The following EYS variants were observed in gnomAD, a reference collection of about 807,000 sequenced individuals.
EYS encodes protein eyes shut homolog.
In EYS, 250 loss-of-function variants were observed where a neutral mutation model predicts 282.1. The ratio of observed to expected loss-of-function variants is 0.89; its 90% CI spans 0.80 to 0.98. The LOEUF is 0.98. Ranked by LOEUF, EYS falls within the 50% of genes least tolerant of loss-of-function variation. The pLI is 0.00. For synonymous variants in EYS, 1,355 were observed against 1,282.9 expected (o/e 1.06, Z -1.20); for missense variants, 4,016 against 3,709.0 (o/e 1.08, Z -2.15).
chr6:63,894,079 G>C (rs1161615382), intron 35 of EYS, among the ~76,000 whole-genome samples: 4 of 152,168 alleles, frequency 2.6e-5, no homozygotes, highest in Non-Finnish European at 4.4e-5. Flanking sequence ...CTAAACTGTG[G>C]AAGGGGTGTA....
chr6:64,280,554 C>G (rs186788099), intron 30 of EYS, among the ~76,000 whole-genome samples: 1 of 152,042 alleles, frequency 6.6e-6, no homozygotes, highest in African/African-American at 2.4e-5. Context: ...TAAATTTATA[C>G]AGATGGTTCT....
At chr6:65,309,579 A>T (rs1769100915) in intron 11 of EYS, among the ~76,000 whole-genome samples, 1 of 152,210 alleles carries the variant, frequency 6.6e-6, no homozygotes, top group Non-Finnish European at 1.5e-5. Context: ...ATAAGTAAAC[A>T]CACTAGTAGA....
At chr6:65,240,660 C>T (rs1767035292) in intron 12 of EYS, among the ~76,000 whole-genome samples, 2 of 152,088 alleles carry the variant, frequency 1.3e-5, no homozygotes, top group African/African-American at 2.4e-5. Context: ...TATATATCAC[C>T]ACATTTTTTT....
Position 64,439,368 on chromosome 6 carries a change from G to C in EYS, c.5645-16C>G. On this transcript the variant is annotated splice_polypyrimidine_tract_variant and intron_variant, in intron 26 of 42. Coordinates refer to ENST00000503581, the MANE Select transcript of EYS (RefSeq NM_001142800.2). Reference sequence around the variant, plus strand: ...CAACTGAAATCTGTGGAGTCAGAAAGAAAATACAATTTAGGTTGAAATAAA... The same window carrying C: ...CAACTGAAATCTGTGGAGTCAGAAACAAAATACAATTTAGGTTGAAATAAA... 6.9e-7 allele frequency: 1 copy of C among 1,455,168 alleles called. No homozygotes were observed. Among genetic ancestry groups the C allele is most frequent in the South Asian group, 1.4e-5 (1 of 69,864 alleles). 90.1% of individuals were successfully genotyped at this position (1,455,168 alleles called of 1,614,324 possible).
chr6:64,151,412 G>A (rs556194554), intron 31 of EYS, among the ~76,000 whole-genome samples: 3 of 143,886 alleles, frequency 2.1e-5, no homozygotes, highest in Non-Finnish European at 4.5e-5. Context: ...CCAGGCTGGA[G>A]TGCAATGGTG....
At chr6:65,631,760 G>A (rs1766922686) in intron 2 of EYS, among the ~76,000 whole-genome samples, 1 of 152,152 alleles carries the variant, frequency 6.6e-6, no homozygotes, top group South Asian at 2.1e-4. Context: ...GATAATTCGA[G>A]TAGAGTATAA....
At chr6:64,185,361 T>C (rs1764902901) in intron 31 of EYS, among the ~76,000 whole-genome samples, 1 of 133,292 alleles carries the variant, frequency 7.5e-6, no homozygotes, top group Non-Finnish European at 1.6e-5. Context: ...AGAAAAATAC[T>C]GTATTCACTT....
intron 12 of EYS, among the ~76,000 whole-genome samples, chr6:65,254,704 G>A (rs955308044): frequency 1.2e-4 from 18 of 151,752 alleles, no homozygotes; most frequent in Non-Finnish European, 2.2e-4. Flanking sequence ...AAGTTATGTA[G>A]GGCTGTTAAT....
At chr6:65,672,870 T>C (rs9354273) in intron 1 of EYS, among the ~76,000 whole-genome samples, 66,343 of 151,664 alleles carry the variant, frequency 0.44, 15,692 homozygotes, top group East Asian at 0.65. Flanking sequence ...AGAGAGTCAG[T>C]GAAGGGAGAT....
At position 65,341,653 on chromosome 6, in the gene EYS, A is replaced by G. The variant is rs147360124; in HGVS notation, c.1599+2385T>C. Reference sequence around the variant, plus strand: ...AATTATATGGCTCTGTGGAATTGTCAAGTATGTGAGTTGTTTAAACTGTCT... The same window carrying G: ...AATTATATGGCTCTGTGGAATTGTCGAGTATGTGAGTTGTTTAAACTGTCT... On this transcript the variant is annotated intron_variant, in intron 10 of 42. Coordinates refer to ENST00000503581, the MANE Select transcript of EYS (RefSeq NM_001142800.2). 1.3e-3 allele frequency among the ~76,000 whole-genome samples: 191 copies of G among 151,310 alleles called. 1 individual carries two copies. Among genetic ancestry groups the G allele is most frequent in the Middle Eastern group, 3.4e-3 (1 of 294 alleles).
rs749428486 is a variant in EYS, at chr6:64,821,790, T to C, written c.3165-67A>G. The C allele has an allele frequency of 8.1e-5, 77 of 947,790 alleles. 1 individual carries two copies. Among genetic ancestry groups the C allele is most frequent in the Non-Finnish European group, 1.2e-4 (75 of 623,768 alleles). 58.7% of individuals were successfully genotyped at this position (947,790 alleles called of 1,614,324 possible). A position where few individuals can be genotyped will look rare whatever the true frequency, so the allele number is the denominator to read the frequency against. On this transcript the variant is annotated intron_variant, in intron 20 of 42. Transcript: ENST00000503581. ...GTTAAAGCATAACTTCAAGGGAGTT[T>C]CACCATTTAAACTTTTCTTTCCTAG...
At chr6:65,138,333 CTTACTTTTTTTGGAAGCCCAGTA>C (rs1776080068) in intron 12 of EYS, among the ~76,000 whole-genome samples, 1 of 151,984 alleles carries the variant, frequency 6.6e-6, no homozygotes, top group Non-Finnish European at 1.5e-5. Context: ...ATGTCTGCTT[CTTACTTTTTTTGGAAGCCCAGTA>C]TTACTTTAAA....
chr6:65,132,230 G>C (rs1308243385), intron 12 of EYS, among the ~76,000 whole-genome samples: 1 of 151,914 alleles, frequency 6.6e-6, no homozygotes, highest in Non-Finnish European at 1.5e-5. Flanking sequence ...GCATCATTCT[G>C]ATACCAAAAC....
At chr6:63,822,957 A>G (rs1469329766) in intron 36 of EYS, among the ~76,000 whole-genome samples, 2 of 152,168 alleles carry the variant, frequency 1.3e-5, no homozygotes, top group African/African-American at 4.8e-5. Context: ...TAAACAATAA[A>G]ACAATTATGT....
chr6:63,990,639 A>G (rs1767562717), intron 34 of EYS, among the ~76,000 whole-genome samples: 2 of 151,622 alleles, frequency 1.3e-5, no homozygotes, highest in South Asian at 2.1e-4. Context: ...CTGGCTTGGC[A>G]TGGGATCAGA....
chr6:65,614,945 G>C (rs777427592), intron 2 of EYS, among the ~76,000 whole-genome samples: 6 of 152,124 alleles, frequency 3.9e-5, no homozygotes, highest in Non-Finnish European at 8.8e-5. Flanking sequence ...ACAAAGGCTA[G>C]TCCTTGCAAA....
At position 65,519,599 on chromosome 6, in the gene EYS, T is replaced by C. The variant is rs917994555; in HGVS notation, c.-332-23606A>G. 2.0e-5 allele frequency among the ~76,000 whole-genome samples: 3 copies of C among 146,414 alleles called. No homozygotes were observed. The South Asian group carries it at 6.4e-4, about 31-fold the overall frequency. ...AGATATTTTTCATGAAATATCACAG[T>C]TAATTTTTATGGTCTCTATTAGTCT... On this transcript the variant is annotated intron_variant, in intron 2 of 42. Coordinates refer to ENST00000503581, the MANE Select transcript of EYS (RefSeq NM_001142800.2).
chr6:64,546,675 CA>C (rs571210361), intron 26 of EYS, among the ~76,000 whole-genome samples: 4 of 151,828 alleles, frequency 2.6e-5, no homozygotes, highest in South Asian at 2.1e-4. Context: ...AAATTTACAA[CA>C]AAAAAACAAA....
chr6:65,436,937 T>A (rs1214318971), intron 5 of EYS, among the ~76,000 whole-genome samples: 2 of 152,060 alleles, frequency 1.3e-5, no homozygotes. Flanking sequence ...GAGTCAAGAA[T>A]GGCCAAGACA....
Sources: gnomAD v4.1 joint callset for allele counts (sites outside exome capture counted in the v4.1 genomes callset) on GRCh38, gnomAD v4.1.1 for gene constraint, MANE v1.5 for transcripts, NCBI Gene and HGNC (gene_info 2026-07-23, HGNC 2026-07-21) for gene names.